EPS15L1: variants seen among roughly 807,000 people sequenced by gnomAD.
The protein encoded by EPS15L1 is epidermal growth factor receptor pathway substrate 15 like 1.
In EPS15L1, 43 loss-of-function variants were observed where a neutral mutation model predicts 117.1. The ratio of observed to expected loss-of-function variants is 0.37; its 90% CI spans 0.29 to 0.47. EPS15L1 has a LOEUF of 0.47. EPS15L1 is among the 20% of genes least tolerant of loss of function. The pLI is 0.99. For synonymous variants in EPS15L1, 459 were observed against 470.5 expected (o/e 0.98, Z 0.32); for missense variants, 981 against 1,164.0 (o/e 0.84, Z 2.29).
chr19:16,391,260 A>C (rs1332244819), intron 19 of EPS15L1, among the ~76,000 whole-genome samples: 1 of 152,206 alleles, frequency 6.6e-6, no homozygotes, highest in Non-Finnish European at 1.5e-5. Flanking sequence ...ATAGAAAACA[A>C]GCAGTAGAGA....
Position 16,402,378 on chromosome 19 carries a change from G to A in EPS15L1, c.1734C>T (p.Asp578=). 6 of 1,614,102 alleles carry A rather than the reference G, an allele frequency of 3.7e-6. No individual in the cohort carries two copies. The highest frequency in any genetic ancestry group is 5.1e-6 in the Non-Finnish European group (6 of 1,179,976). ...LDGAHGASLT[D]LANLSEGVSL... ...AGACGCCTTCGCTCAGGTTGGCCAG[G>A]TCGGTCAGGCTGGCACCATGGGCTC... The change falls in exon 16 of 24, where the codon GAC becomes GAT. Residue 578 remains aspartate, a synonymous_variant. Coordinates refer to ENST00000455140, the MANE Select transcript of EPS15L1 (RefSeq NM_001258374.3).
rs141557327 is a variant in EPS15L1, at chr19:16,367,970, T to TGAGA, written c.2381-5990_2381-5987dup. Among the ~76,000 whole-genome samples the TGAGA allele has an allele frequency of 1.2e-3, 185 of 150,706 alleles. 3 individuals are homozygous for TGAGA. The highest frequency in any genetic ancestry group is 3.4e-3 in the Middle Eastern group (1 of 294). On this transcript the variant is annotated intron_variant, in intron 22 of 23. Transcript: ENST00000455140. ...AAAATATTAGTAATAAACATGAGAG[T>TGAGA]GAGAGAGAGAGAGAGTGTGTGTGTG...
chr19:16,412,965 T>C, intron 13 of EPS15L1: 1 of 668,664 alleles, frequency 1.5e-6, no homozygotes, highest in South Asian at 1.5e-5. Context: ...CATCAAGGAA[T>C]CTGAGATCAT....
intron 9 of EPS15L1, among the ~76,000 whole-genome samples, chr19:16,422,626 T>G (rs2092828227): frequency 6.6e-6 from 1 of 152,148 alleles, no homozygotes; most frequent in Non-Finnish European, 1.5e-5. Context: ...CCATGATGCC[T>G]GAAACTGCCA....
chr19:16,413,413 C>A (rs1210940313), intron 13 of EPS15L1: 7 of 724,054 alleles, frequency 9.7e-6, no homozygotes, highest in Non-Finnish European at 1.7e-5. Context: ...GACAAGGCCA[C>A]CTTTGATGCC....
intron 13 of EPS15L1, among the ~76,000 whole-genome samples, chr19:16,411,367 A>G (rs1202810506): frequency 6.6e-6 from 1 of 152,206 alleles, no homozygotes; most frequent in African/African-American, 2.4e-5. Flanking sequence ...AGTTAGTGTC[A>G]AACTCTTCCA....
intron 16 of EPS15L1, chr19:16,400,933 C>CT (rs1490952655): frequency 1.0e-6 from 1 of 985,266 alleles, no homozygotes; most frequent in Non-Finnish European, 1.2e-6. Flanking sequence ...TGAACGAAGA[C>CT]TGAGCAGGAC....
rs1423663244 is a variant in EPS15L1 at position 16,371,576 on chromosome 19, G to A, written c.2380+5546C>T. ...AAAATAATCATTAAATTGGGGAGAGGTTAAAGGTGACTGGCTGGTTAGCGG... is the reference window on the plus strand; with the variant it reads ...AAAATAATCATTAAATTGGGGAGAGATTAAAGGTGACTGGCTGGTTAGCGG... On this transcript the variant is annotated intron_variant, in intron 22 of 23. Transcript: ENST00000455140. The surrounding 1 kb of genome is among the most constrained non-coding windows in gnomAD (Gnocchi z 4.7). 6.6e-6 allele frequency among the ~76,000 whole-genome samples: 1 copy of A among 152,138 alleles called. No homozygotes were observed. The highest frequency in any genetic ancestry group is 1.5e-5 in the Non-Finnish European group (1 of 68,042).
intron 8 of EPS15L1, among the ~76,000 whole-genome samples, chr19:16,426,674 C>T (rs908010386): frequency 5.3e-5 from 8 of 151,968 alleles, no homozygotes; most frequent in African/African-American, 1.9e-4. Flanking sequence ...AACAAAAAGT[C>T]CACGTCAAGA....
At position 16,386,193 on chromosome 19, in the gene EPS15L1, G is replaced by A. The variant is rs764070106; in HGVS notation, c.2142C>T (p.Ser714=). The change falls in exon 20 of 24, where the codon TCC becomes TCT. Residue 714 remains serine, a synonymous_variant. Transcript: ENST00000455140. ...CACCTGATCCTTTTGAGGAGACACT[G>A]GAGGATGAAAAGGGATCACTGGATT... is the stretch of plus-strand genomic sequence containing the variant. ...PFESSDPFSS[S]SVSSKGSDPF... is the part of the protein sequence containing the mutation. 9.3e-6 allele frequency: 15 copies of A among 1,612,580 alleles called. No homozygotes were observed. The South Asian group carries it at 1.3e-4, about 14-fold the overall frequency.
At chr19:16,412,367 G>A (rs771407453) in intron 13 of EPS15L1, among the ~76,000 whole-genome samples, 1 of 152,016 alleles carries the variant, frequency 6.6e-6, no homozygotes, top group Non-Finnish European at 1.5e-5. Context: ...AGGCATGGTG[G>A]TGCGTGCCTG....
At chr19:16,415,608 G>A (rs1029710663) in intron 12 of EPS15L1, among the ~76,000 whole-genome samples, 1 of 152,212 alleles carries the variant, frequency 6.6e-6, no homozygotes, top group Non-Finnish European at 1.5e-5. Flanking sequence ...GAAATCATAA[G>A]AGGAAAGCTC....
chr19:16,464,905 C>T (rs1024733647), intron 1 of EPS15L1, among the ~76,000 whole-genome samples: 1 of 152,080 alleles, frequency 6.6e-6, no homozygotes, highest in African/African-American at 2.4e-5. Flanking sequence ...CAGTGAAACC[C>T]CGTCTCTACT....
At position 16,425,120 on chromosome 19, in the gene EPS15L1, C is replaced by T. The variant is rs1174913940; in HGVS notation, c.755G>A (p.Gly252Glu). Residue 252 changes from glycine (G) to glutamate (E), a missense_variant, in exon 9 of 24, where the codon GGG (glycine) becomes GAG (glutamate). Around this residue, in one of 5 missense-constraint regions of EPS15L1, gnomAD observed 819 missense variants for 949.0 expected, o/e 0.86. Transcript: ENST00000455140. ...GAGGCTGTGCTTGGGGGACAGGCTC[C>T]CTGTGCTGTTGAGGCTGCTGACGCT... ...HGSVSSLNST[G>E]SLSPKHSLKQ... The T allele has an allele frequency of 6.2e-7, 1 of 1,614,198 alleles. No homozygotes were observed. The highest frequency in any genetic ancestry group is 1.7e-5 in the Admixed American group (1 of 60,032).
Position 16,417,632 on chromosome 19 carries a change from A to G in EPS15L1, c.1113T>C (p.Ser371=), listed in dbSNP as rs777966812. Residue 371 remains serine (S), a synonymous_variant, in exon 12 of 24, where the codon AGT becomes AGC. Coordinates refer to ENST00000455140, the MANE Select transcript of EPS15L1 (RefSeq NM_001258374.3). ...ACTCCCCGGAGCCGAGAGAGCCTGA[A>G]CTGTCCTAGAATTGAATTCAGAGGC... ...PSERGTPGPD[S]SGSLGSGEFT... 1 of 1,614,066 alleles carries G rather than the reference A, an allele frequency of 6.2e-7. No homozygotes were observed. Among genetic ancestry groups the G allele is most frequent in the South Asian group, 1.1e-5 (1 of 91,088 alleles).
At chr19:16,369,853 G>A (rs2092196208) in intron 22 of EPS15L1, among the ~76,000 whole-genome samples, 1 of 152,208 alleles carries the variant, frequency 6.6e-6, no homozygotes, top group African/African-American at 2.4e-5. Context: ...GACATACCCT[G>A]CGTGAACACC....
intron 22 of EPS15L1, among the ~76,000 whole-genome samples, chr19:16,367,790 A>C (rs1396237794): frequency 6.6e-6 from 1 of 151,600 alleles, no homozygotes; most frequent in African/African-American, 2.4e-5. Flanking sequence ...AACAACAAAC[A>C]AACAAAAAAT....
At chr19:16,457,874 G>C (rs918843680) in intron 1 of EPS15L1, among the ~76,000 whole-genome samples, 2 of 151,668 alleles carry the variant, frequency 1.3e-5, no homozygotes, top group African/African-American at 4.8e-5. Flanking sequence ...TGGGGGGGAG[G>C]GGGGAACACC....
chr19:16,380,711 A>C (rs2092351885), intron 21 of EPS15L1, among the ~76,000 whole-genome samples: 2 of 152,174 alleles, frequency 1.3e-5, no homozygotes, highest in South Asian at 4.1e-4. Flanking sequence ...AGGCTCTGGC[A>C]TCTAGTCACA....
Sources: allele counts gnomAD v4.1 joint callset (sites outside exome capture counted in the v4.1 genomes callset), GRCh38; gene constraint gnomAD v4.1.1; regional missense constraint gnomAD v4.1.1; non-coding constraint Gnocchi (gnomAD v3.1); transcripts MANE v1.5; gene names NCBI Gene and HGNC (gene_info 2026-07-23, HGNC 2026-07-21).